Variants in SDC4 observed in about 807,000 individuals in gnomAD.
The protein encoded by SDC4 is syndecan 4, also known as syndecan-4.
In SDC4, 17 loss-of-function variants were observed where a neutral mutation model predicts 20.5. That is an observed-to-expected ratio of 0.83 (90% CI 0.57 to 1.25). The LOEUF is 1.25. Among genes scored for constraint, SDC4 ranks in the 50% most tolerant of loss-of-function variants. The probability of loss-of-function intolerance (pLI) is 0.00; values close to 1 mark genes in which losing one functional copy is unlikely to be tolerated. For missense variants in SDC4, 241 were observed against 252.3 expected (o/e 0.96, Z 0.30); for synonymous variants, 107 against 105.3 (o/e 1.02, Z -0.10).
chr20:45,348,267 G>T, intron 1 of SDC4, 58 bp downstream of exon 1: 1 of 1,314,488 alleles, frequency 7.6e-7, no homozygotes, highest in Non-Finnish European at 1.1e-6. Flanking sequence ...GACGAACAAA[G>T]GAGGCACCGG....
At chr20:45,337,638 G>T (rs79405834) in intron 1 of SDC4, among the ~76,000 whole-genome samples, 7,393 of 152,290 alleles carry the variant, frequency 0.049, 581 homozygotes, top group African/African-American at 0.17. Context: ...CCTAAGATAA[G>T]GTTATTATCA....
At chr20:45,331,132 TGGAGAACCACAGAAGGGATGAGAC>T (rs1987771301) in intron 3 of SDC4, among the ~76,000 whole-genome samples, 2 of 152,164 alleles carry the variant, frequency 1.3e-5, no homozygotes, top group African/African-American at 4.8e-5. Context: ...AACATCTTTC[TGGAGAACCACAGAAGGGATGAGAC>T]GGAGGAGACT....
intron 1 of SDC4, among the ~76,000 whole-genome samples, chr20:45,345,988 C>T (rs1415700091): frequency 6.6e-6 from 1 of 152,126 alleles, no homozygotes; most frequent in Non-Finnish European, 1.5e-5. Context: ...CCTGGATGCC[C>T]TCTACTAACC....
chr20:45,334,350 T>C (rs896268794), intron 2 of SDC4, among the ~76,000 whole-genome samples: 2 of 151,936 alleles, frequency 1.3e-5, no homozygotes, highest in African/African-American at 4.8e-5. Context: ...GAAAGAAAAC[T>C]CTAACTGCAA....
At chr20:45,333,481 C>T (rs1044468535) in intron 2 of SDC4, among the ~76,000 whole-genome samples, 5 of 152,190 alleles carry the variant, frequency 3.3e-5, no homozygotes, top group African/African-American at 1.2e-4. Flanking sequence ...CCAGCCTGGC[C>T]AACATAGTGA....
chr20:45,327,641 A>G (rs1987713450), intron 4 of SDC4, among the ~76,000 whole-genome samples: 1 of 152,122 alleles, frequency 6.6e-6, no homozygotes, highest in Non-Finnish European at 1.5e-5. Context: ...GGCTAGTGGT[A>G]AGGCCACTCC....
chr20:45,327,048 C>A lies in SDC4; in HGVS notation c.*216G>T. On this transcript the variant is annotated 3_prime_UTR_variant, in exon 5 of 5. Transcript: ENST00000372733. Reference sequence around the variant, plus strand: ...TGCCTTCAGAAAGGCCAAGTTGAATCCATTTTTCTGCCAGGGCAACTGAGG... The same window carrying A: ...TGCCTTCAGAAAGGCCAAGTTGAATACATTTTTCTGCCAGGGCAACTGAGG... 1 of 507,688 alleles carries A rather than the reference C, an allele frequency of 2.0e-6. No individual in the cohort carries two copies. The highest frequency in any genetic ancestry group is 3.6e-5 in the South Asian group (1 of 27,860). 31.4% of individuals were successfully genotyped at this position (507,688 alleles called of 1,614,324 possible).
chr20:45,336,209 TCAAGAC>T (rs1033187588), intron 1 of SDC4, among the ~76,000 whole-genome samples: 1 of 151,940 alleles, frequency 6.6e-6, no homozygotes, highest in African/African-American at 2.4e-5. Flanking sequence ...GGTCAGGAGT[TCAAGAC>T]CAGCCTGGCC....
intron 1 of SDC4, among the ~76,000 whole-genome samples, chr20:45,338,030 T>A (rs539819855): frequency 2.6e-4 from 40 of 152,320 alleles, no homozygotes; most frequent in African/African-American, 9.4e-4. Flanking sequence ...AGGCTCCTCA[T>A]GGCTGCCCAA....
Position 45,327,204 on chromosome 20 carries a change from C to T in SDC4, c.*60G>A. 6.2e-7 allele frequency: 1 copy of T among 1,600,012 alleles called. No homozygotes were observed. Among genetic ancestry groups the T allele is most frequent in the Non-Finnish European group, 8.6e-7 (1 of 1,169,454 alleles). On this transcript the variant is annotated 3_prime_UTR_variant, in exon 5 of 5. Transcript: ENST00000372733. The stretch of plus-strand genomic sequence containing the variant: ...ACCTCACCCTACCCTAATGTCCACC[C>T]TTCAAAATCCCCTGGCTTCCCTCCC...
chr20:45,346,264 G>A (rs537130197), intron 1 of SDC4, among the ~76,000 whole-genome samples: 1 of 152,308 alleles, frequency 6.6e-6, no homozygotes, highest in South Asian at 2.1e-4. Flanking sequence ...AAAAGAGGGA[G>A]GGGACAGGCC....
intron 2 of SDC4, among the ~76,000 whole-genome samples, chr20:45,333,739 C>A (rs1369572737): frequency 6.6e-6 from 1 of 152,118 alleles, no homozygotes; most frequent in Admixed American, 6.5e-5. Context: ...GGGCTCGTAA[C>A]AATATATCAT....
rs1405377280 is a variant in SDC4 at position 45,330,407 on chromosome 20, A to C, written c.404T>G (p.Val135Gly). 2.1e-5 allele frequency: 34 copies of C among 1,614,086 alleles called. No homozygotes were observed. The highest frequency in any genetic ancestry group is 2.7e-5 in the Non-Finnish European group (32 of 1,180,038). Residue 135 changes from valine (V) to glycine (G), a missense_variant, in exon 4 of 5, where the codon GTG becomes GGG. Val to Gly is a moderately radical substitution (Grantham distance 109). Coordinates refer to ENST00000372733, the MANE Select transcript of SDC4 (RefSeq NM_002999.4). ...VSNKVSMSSTVQGSNIFERTE... is the reference protein window; with the variant it reads ...VSNKVSMSSTGQGSNIFERTE... ...TCTCTCAAAGATGTTGCTGCCCTGC[A>C]CAGTGCTGGACATTGACACCTTGTT... is the stretch of plus-strand genomic sequence containing the variant.
intron 4 of SDC4, among the ~76,000 whole-genome samples, chr20:45,330,009 G>A (rs1476278210): frequency 6.6e-6 from 1 of 152,140 alleles, no homozygotes; most frequent in Non-Finnish European, 1.5e-5. Context: ...CAATTCGAAG[G>A]AGCCTCCAGA....
Position 45,327,427 on chromosome 20 carries a change from G to A in SDC4, c.446-12C>T, listed in dbSNP as rs1318661016. ...ACCCACAATCAGAGCTGGAGAGGAG[G>A]AGAGAGAAGAGGCGGGGGTGAGAGC... On this transcript the variant is annotated splice_polypyrimidine_tract_variant and intron_variant, in intron 4 of 4. Coordinates refer to ENST00000372733, the MANE Select transcript of SDC4 (RefSeq NM_002999.4). 1 of 1,610,146 alleles carries A rather than the reference G, an allele frequency of 6.2e-7. No individual in the cohort carries two copies. Among genetic ancestry groups the A allele is most frequent in the African/African-American group, 1.3e-5 (1 of 74,874 alleles).
chr20:45,336,190 A>T (rs1020659359), intron 1 of SDC4, among the ~76,000 whole-genome samples: 2 of 152,196 alleles, frequency 1.3e-5, no homozygotes, highest in Non-Finnish European at 2.9e-5. Context: ...AGGCAGGCAG[A>T]TCACTTGAGG....
chr20:45,328,314 C>A (rs1306361097), intron 4 of SDC4, among the ~76,000 whole-genome samples: 2 of 152,330 alleles, frequency 1.3e-5, no homozygotes, highest in East Asian at 3.9e-4. Flanking sequence ...TCCTTCATCT[C>A]CCTACCGCAA....
At position 45,327,200 on chromosome 20, in the gene SDC4, C is replaced by A. The variant is rs954149657; in HGVS notation, c.*64G>T. The A allele has an allele frequency of 1.3e-6, 2 of 1,585,500 alleles. No individual in the cohort carries two copies. The highest frequency in any genetic ancestry group is 3.4e-5 in the Admixed American group (2 of 59,676). On this transcript the variant is annotated 3_prime_UTR_variant, in exon 5 of 5. Coordinates refer to ENST00000372733, the MANE Select transcript of SDC4 (RefSeq NM_002999.4). ...GTTGACCTCACCCTACCCTAATGTC[C>A]ACCCTTCAAAATCCCCTGGCTTCCC...
chr20:45,339,317 A>ATG (rs1486869645), intron 1 of SDC4, among the ~76,000 whole-genome samples: 1 of 152,226 alleles, frequency 6.6e-6, no homozygotes, highest in African/African-American at 2.4e-5. Context: ...CTGGCTAAGA[A>ATG]TGTGGTCTGT....
Sources: gnomAD v4.1 joint callset for allele counts (sites outside exome capture counted in the v4.1 genomes callset) on GRCh38, gnomAD v4.1.1 for gene constraint, MANE v1.5 for transcripts, NCBI Gene and HGNC (gene_info 2026-07-23, HGNC 2026-07-21) for gene names.